The following GORAB variants were observed in gnomAD, a reference collection of about 807,000 sequenced individuals.
GORAB encodes RAB6-interacting golgin.
A neutral mutation model predicts 29.9 loss-of-function variants in GORAB; 17 were observed. The observed-to-expected ratio is 0.57, with a 90% CI of 0.39 to 0.85. The LOEUF is 0.85. Among genes scored for constraint, GORAB ranks in the 40% least tolerant of loss-of-function variants. The pLI is 0.00. For synonymous variants in GORAB, 183 were observed against 157.2 expected, an observed-to-expected ratio of 1.16 and a Z score of -1.23; for missense variants, 442 against 437.8, an observed-to-expected ratio of 1.01 and a Z score of -0.09.
rs999521107 is a variant in GORAB at position 170,544,817 on chromosome 1, C to G, written c.634C>G (p.Gln212Glu). 4 of 1,613,988 alleles carry G rather than the reference C, an allele frequency of 2.5e-6. No homozygotes were observed. Among genetic ancestry groups the G allele is most frequent in the Non-Finnish European group, 3.4e-6 (4 of 1,179,900 alleles). ...TGGAATTCTCAGGAACCGGATTGAT[C>G]AGGCCAGCTTAGACTATTCATACGC... ...DIGILRNRID[Q>E]ASLDYSYARK... The change falls in exon 4 of 5, where the codon CAG (glutamine) becomes GAG (glutamate). Residue 212 changes from glutamine (Q) to glutamate (E), a missense_variant. By Grantham distance (29) the Gln-to-Glu change is conservative (BLOSUM62 2). Coordinates refer to ENST00000367763, the MANE Select transcript of GORAB (RefSeq NM_152281.3).
intron 1 of GORAB, chr1:170,533,734 G>A (rs1648863386): frequency 2.9e-6 from 1 of 343,522 alleles, no homozygotes; most frequent in Admixed American, 3.0e-5. Flanking sequence ...TTTGCAACCG[G>A]GGGTAGATAG....
chr1:170,546,836 A>G (rs557165371), intron 4 of GORAB, among the ~76,000 whole-genome samples: 14 of 152,008 alleles, frequency 9.2e-5, no homozygotes, highest in Admixed American at 2.0e-4. Flanking sequence ...GGTGCCCACC[A>G]CCACACCTGG....
In GORAB at chr1:170,552,947, G is replaced by T; in HGVS notation, c.*485G>T. 1 of 449,670 alleles carries T rather than the reference G, an allele frequency of 2.2e-6. No individual in the cohort carries two copies. The highest frequency in any genetic ancestry group is 1.6e-5 in the South Asian group (1 of 62,788). The allele number at this position is 449,670 out of a possible 1,614,324, so 27.9% of individuals were successfully genotyped here. The stretch of plus-strand genomic sequence containing the variant: ...GAATAGAAGAAAAAAGTTGCAGGTT[G>T]AATTATCTATCTGGATATTACTAGA... On this transcript the variant is annotated 3_prime_UTR_variant, in exon 5 of 5. Coordinates refer to ENST00000367763, the MANE Select transcript of GORAB (RefSeq NM_152281.3).
chr1:170,538,978 A>G (rs1306573686), intron 1 of GORAB: 1 of 558,356 alleles, frequency 1.8e-6, no homozygotes, highest in East Asian at 3.0e-5. Context: ...ACTTTCTCTG[A>G]AGATAAATTA....
At chr1:170,543,609 C>T (rs971208443) in intron 3 of GORAB, among the ~76,000 whole-genome samples, 1 of 147,480 alleles carries the variant, frequency 6.8e-6, no homozygotes, top group Non-Finnish European at 1.5e-5. Context: ...AAAAAACCAG[C>T]AGATAAAAGA....
At chr1:170,533,545 G>T (rs1468622795) in intron 1 of GORAB, 1 of 454,994 alleles carries the variant, frequency 2.2e-6, no homozygotes, top group Admixed American at 2.3e-5. Context: ...AGTAGATATT[G>T]CAAGAACTTG....
At chr1:170,542,229 G>T (rs534426009) in intron 2 of GORAB, among the ~76,000 whole-genome samples, 9 of 152,220 alleles carry the variant, frequency 5.9e-5, no homozygotes, top group African/African-American at 1.9e-4. Flanking sequence ...CCAGTTTGTG[G>T]ATTCCTAGAT....
rs934334617 is a variant in GORAB at position 170,553,383 on chromosome 1, G to C, written c.*921G>C. On this transcript the variant is annotated 3_prime_UTR_variant, in exon 5 of 5. Transcript: ENST00000367763. ...TTAGTTTGTTAATTGCCTGTTACTA[G>C]TACTTGACCAATACATTGTGCTATA... 2 of 452,202 alleles carry C rather than the reference G, an allele frequency of 4.4e-6. No homozygotes were observed. Among genetic ancestry groups the C allele is most frequent in the Admixed American group, 2.4e-5 (1 of 42,374 alleles). The allele number at this position is 452,202 out of a possible 1,614,324, so 28.0% of individuals were successfully genotyped here.
intron 1 of GORAB, among the ~76,000 whole-genome samples, chr1:170,538,091 T>C (rs1235213343): frequency 2.0e-5 from 3 of 152,214 alleles, no homozygotes; most frequent in Non-Finnish European, 4.4e-5. Flanking sequence ...TTTCTGTACA[T>C]ATCTCATTTA....
rs1650207737 is a variant in GORAB, at chr1:170,552,754, T to C, written c.*292T>C. 6.1e-6 allele frequency: 3 copies of C among 488,326 alleles called. No homozygotes were observed. Among genetic ancestry groups the C allele is most frequent in the Non-Finnish European group, 1.2e-5 (3 of 249,890 alleles). The allele number at this position is 488,326 out of a possible 1,614,324, so 30.2% of individuals were successfully genotyped here. On this transcript the variant is annotated 3_prime_UTR_variant, in exon 5 of 5. Coordinates refer to ENST00000367763, the MANE Select transcript of GORAB (RefSeq NM_152281.3). ...TGGAAGAAAAACTACATGGTTGGAG[T>C]GTTTTTAGATCAGATAAATATAGAA... is the stretch of plus-strand genomic sequence containing the variant.
chr1:170,532,660 G>T (rs1207468162), intron 1 of GORAB: 3 of 262,984 alleles, frequency 1.1e-5, no homozygotes, highest in South Asian at 9.0e-5. Context: ...GAGGAGGGGC[G>T]CACACCGTAT....
At chr1:170,535,219 C>A (rs5013367) in intron 1 of GORAB, among the ~76,000 whole-genome samples, 5 of 152,328 alleles carry the variant, frequency 3.3e-5, no homozygotes, top group African/African-American at 9.6e-5. Context: ...TAAATTCTCT[C>A]TTCTAAAAGG....
At chr1:170,534,926 G>T (rs983578372) in intron 1 of GORAB, among the ~76,000 whole-genome samples, 1 of 152,138 alleles carries the variant, frequency 6.6e-6, no homozygotes, top group East Asian at 1.9e-4. Flanking sequence ...ATGAAATCAG[G>T]TTAAGACAAG....
At chr1:170,537,494 G>C (rs957700055) in intron 1 of GORAB, among the ~76,000 whole-genome samples, 1 of 151,930 alleles carries the variant, frequency 6.6e-6, no homozygotes, top group Non-Finnish European at 1.5e-5. Context: ...AAACCTTTGT[G>C]GTTTAAAACC....
intron 1 of GORAB, among the ~76,000 whole-genome samples, chr1:170,538,857 A>G (rs1649213541): frequency 6.6e-6 from 1 of 152,234 alleles, no homozygotes; most frequent in Admixed American, 6.5e-5. Context: ...AAACCAGATA[A>G]TTCAGTCACC....
intron 3 of GORAB, 54 bp from the exon 4 acceptor site, chr1:170,544,651 G>A: frequency 6.7e-7 from 1 of 1,493,658 alleles, no homozygotes; most frequent in South Asian, 1.1e-5. Context: ...ATTGTATATG[G>A]ACACATGGTT....
intron 2 of GORAB, among the ~76,000 whole-genome samples, chr1:170,541,749 C>T (rs1313608086): frequency 6.6e-6 from 1 of 152,092 alleles, no homozygotes; most frequent in Non-Finnish European, 1.5e-5. Flanking sequence ...TACATGTTTT[C>T]ACATCTTTGA....
intron 4 of GORAB, chr1:170,545,505 A>C: frequency 1.0e-6 from 1 of 984,604 alleles, no homozygotes; most frequent in Non-Finnish European, 1.2e-6. Flanking sequence ...AACACATGTA[A>C]TGAATTACAT....
chr1:170,532,177 C>A lies in GORAB; in HGVS notation c.-47C>A. The stretch of plus-strand genomic sequence containing the variant: ...AGCTGGGCAGCAGTGTTGGCAGTCG[C>A]GGCTGCGAGATTTGGGCACTTTTGG... On this transcript the variant is annotated 5_prime_UTR_variant, in exon 1 of 5. Transcript: ENST00000367763. 1.2e-6 allele frequency: 2 copies of A among 1,613,482 alleles called. No individual in the cohort carries two copies. The highest frequency in any genetic ancestry group is 8.5e-7 in the Non-Finnish European group (1 of 1,180,012).
Sources: allele counts gnomAD v4.1 joint callset (sites outside exome capture counted in the v4.1 genomes callset), GRCh38; gene constraint gnomAD v4.1.1; transcripts MANE v1.5; gene names NCBI Gene and HGNC (gene_info 2026-07-23, HGNC 2026-07-21).